Variants in LGSN observed in about 807,000 individuals in gnomAD.
The protein encoded by LGSN is lengsin, lens protein with glutamine synthetase domain.
LGSN carries 21 observed loss-of-function variants against 19.5 expected under a neutral mutation model. That is an observed-to-expected ratio of 1.07 (90% CI 0.76 to 1.55). The LOEUF is 1.55. Ranked by LOEUF, LGSN falls within the 40% of genes most tolerant of loss-of-function variation. The probability of loss-of-function intolerance (pLI) is 0.00; values close to 1 mark genes in which losing one functional copy is unlikely to be tolerated. For missense variants in LGSN, 673 were observed against 608.5 expected, an observed-to-expected ratio of 1.11 and a Z score of -1.12; for synonymous variants, 257 against 215.6, an observed-to-expected ratio of 1.19 and a Z score of -1.68.
chr6:63,416,584 T>C, the LGSN span, among the ~76,000 whole-genome samples: 20 of 152,334 alleles, frequency 1.3e-4, no homozygotes, highest in Non-Finnish European at 2.6e-4. Flanking sequence ...TTGTTGTTTT[T>C]GTTTTTTTTG....
chr6:63,572,925 C>T, the LGSN span, among the ~76,000 whole-genome samples: 1 of 151,980 alleles, frequency 6.6e-6, no homozygotes, highest in African/African-American at 2.4e-5. Context: ...CCGGGCCCCT[C>T]GGGGCTGCGG....
chr6:63,380,867 A>G, the LGSN span, among the ~76,000 whole-genome samples: 1 of 152,138 alleles, frequency 6.6e-6, no homozygotes, highest in Non-Finnish European at 1.5e-5. Flanking sequence ...AAAGTTCAGG[A>G]AATTTTTTTT....
the LGSN span, among the ~76,000 whole-genome samples, chr6:63,331,392 T>C: frequency 4.6e-5 from 7 of 152,290 alleles, no homozygotes; most frequent in Non-Finnish European, 7.4e-5. Flanking sequence ...AGAGAGAATA[T>C]TGGGGCCAAG....
At chr6:63,314,285 C>G (rs1044064086) in intron 1 of LGSN, among the ~76,000 whole-genome samples, 5 of 152,198 alleles carry the variant, frequency 3.3e-5, no homozygotes, top group African/African-American at 7.2e-5. Flanking sequence ...TGTCTCTGCT[C>G]TCCACCATAT....
chr6:63,278,184 C>T lies in LGSN; in HGVS notation c.*1837G>A, dbSNP rs945518777. The T allele has an allele frequency of 1.3e-5, 2 of 152,008 alleles. No individual in the cohort carries two copies. The highest frequency in any genetic ancestry group is 2.4e-5 in the African/African-American group (1 of 41,320). The allele number at this position is 152,008 out of a possible 1,614,324, so 9.4% of individuals were successfully genotyped here. Reference sequence around the variant, plus strand: ...CTGAACCTAATAACATGACCACATCCAACCTTAATGAAGGCTCAGAAATAT... The same window carrying T: ...CTGAACCTAATAACATGACCACATCTAACCTTAATGAAGGCTCAGAAATAT... On this transcript the variant is annotated 3_prime_UTR_variant, in exon 4 of 4. Coordinates refer to ENST00000370657, the MANE Select transcript of LGSN (RefSeq NM_016571.3).
In LGSN at chr6:63,319,944, C is replaced by G. The variant is rs770459192; in HGVS notation, c.-1G>C. The G allele has an allele frequency of 2.5e-6, 4 of 1,609,232 alleles. No individual in the cohort carries two copies. The highest frequency in any genetic ancestry group is 1.7e-5 in the Admixed American group (1 of 59,944). ...GCAGAAGGTCCTCTTCATTATTCAT[C>G]TCAACACTTTTTAAGTTCAGCGTTA... On this transcript the variant is annotated 5_prime_UTR_variant, in exon 1 of 4. Transcript: ENST00000370657.
At chr6:63,314,596 C>G (rs148027095) in intron 1 of LGSN, among the ~76,000 whole-genome samples, 6 of 152,158 alleles carry the variant, frequency 3.9e-5, no homozygotes, top group Admixed American at 3.3e-4. Flanking sequence ...AGATTTTCAC[C>G]CAATAAATGG....
the LGSN span, among the ~76,000 whole-genome samples, chr6:63,370,551 T>C: frequency 2.0e-5 from 3 of 152,260 alleles, no homozygotes; most frequent in South Asian, 2.1e-4. Flanking sequence ...CTGTGGGACA[T>C]GGAGCAGGCA....
the LGSN span, among the ~76,000 whole-genome samples, chr6:63,328,636 G>T: frequency 6.6e-6 from 1 of 152,192 alleles, no homozygotes; most frequent in African/African-American, 2.4e-5. Context: ...CTGGTTGTGG[G>T]GTTGTCCCAC....
chr6:63,313,963 G>A (rs1344894169), intron 1 of LGSN, among the ~76,000 whole-genome samples: 1 of 151,968 alleles, frequency 6.6e-6, no homozygotes, highest in Non-Finnish European at 1.5e-5. Context: ...ATGTAGGAGA[G>A]AGTAGAAAAA....
the LGSN span, among the ~76,000 whole-genome samples, chr6:63,497,918 C>CTTTT: frequency 4.9e-5 from 6 of 121,876 alleles, no homozygotes; most frequent in African/African-American, 6.9e-5. Flanking sequence ...TGTCATGTTT[C>CTTTT]TTTTTTTTTT....
chr6:63,340,453 CT>C, the LGSN span, among the ~76,000 whole-genome samples: 1 of 151,998 alleles, frequency 6.6e-6, no homozygotes. Context: ...TTTCTTCATT[CT>C]TTTTTATTCT....
chr6:63,406,284 A>G, the LGSN span, among the ~76,000 whole-genome samples: 1 of 151,976 alleles, frequency 6.6e-6, no homozygotes, highest in Admixed American at 6.6e-5. Flanking sequence ...GAAGTAAAGC[A>G]CTCCTCAGCA....
At chr6:63,452,379 G>A in the LGSN span, among the ~76,000 whole-genome samples, 1 of 152,062 alleles carries the variant, frequency 6.6e-6, no homozygotes, top group East Asian at 1.9e-4. Flanking sequence ...CTCTGGAGTT[G>A]CTGGGATTAC....
At chr6:63,317,768 G>A (rs904078874) in intron 1 of LGSN, among the ~76,000 whole-genome samples, 1 of 152,132 alleles carries the variant, frequency 6.6e-6, no homozygotes, top group African/African-American at 2.4e-5. Context: ...GATACAGGCT[G>A]CAGAGCAGGA....
the LGSN span, among the ~76,000 whole-genome samples, chr6:63,434,348 G>A: frequency 6.6e-6 from 1 of 151,042 alleles, no homozygotes; most frequent in Non-Finnish European, 1.5e-5. Flanking sequence ...GCTGAGGCAG[G>A]AGACTTACTT....
upstream of LGSN, among the ~76,000 whole-genome samples, chr6:63,320,525 G>A (rs78786802): frequency 3.0e-3 from 454 of 152,046 alleles, 3 homozygotes; most frequent in African/African-American, 0.01. Context: ...CCAATTCTCC[G>A]ATGTCAGTCT....
At chr6:63,441,974 G>C in the LGSN span, 1 of 189,910 alleles carries the variant, frequency 5.3e-6, no homozygotes. Context: ...TAAAGATGGT[G>C]TGTCCAGAGT....
At position 63,281,144 on chromosome 6, in the gene LGSN, T is replaced by A. The variant is rs1333411055; in HGVS notation, c.407A>T (p.Asn136Ile). The change falls in exon 4 of 4, where the codon AAT becomes ATT. Residue 136 changes from asparagine to isoleucine, a missense_variant. Asn to Ile is a moderately radical substitution (Grantham distance 149). Coordinates refer to ENST00000370657, the MANE Select transcript of LGSN (RefSeq NM_016571.3). ...ATTAAAACATGTGGCTCTTATGTTA[T>A]TCATTTCATTGTCCTTTGGATTTGG... The part of the protein sequence containing the change: ...VIPNPKDNEM[N>I]NIRATCFNSD... The A allele has an allele frequency of 2.5e-6, 4 of 1,613,704 alleles. No homozygotes were observed. Among genetic ancestry groups the A allele is most frequent in the Admixed American group, 1.7e-5 (1 of 59,958 alleles).
Sources: allele counts gnomAD v4.1 joint callset (sites outside exome capture counted in the v4.1 genomes callset), GRCh38; gene constraint gnomAD v4.1.1; transcripts MANE v1.5; gene names NCBI Gene and HGNC (gene_info 2026-07-23, HGNC 2026-07-21).